Variants in GRIP1 observed in about 807,000 individuals in gnomAD.
GRIP1 encodes the protein glutamate receptor-interacting protein 1.
A neutral mutation model predicts 129.9 loss-of-function variants in GRIP1; 45 were observed. That is an observed-to-expected ratio of 0.35 (90% CI 0.27 to 0.44). The LOEUF is 0.44. Among genes scored for constraint, GRIP1 ranks in the 20% least tolerant of loss-of-function variants. GRIP1 has a pLI of 1.00. For synonymous variants in GRIP1, 530 were observed against 520.8 expected, an observed-to-expected ratio of 1.02 and a Z score of -0.24; for missense variants, 1,196 against 1,396.8, an observed-to-expected ratio of 0.86 and a Z score of 2.29.
chr12:66,538,968 T>C (rs1264951002), intron 4 of GRIP1, 110 bp downstream of exon 4: 3 of 873,076 alleles, frequency 3.4e-6, no homozygotes, highest in South Asian at 2.8e-5. Context: ...AGTATGTATG[T>C]ATAGAAAAAA....
chr12:66,855,609 C>T (rs2039989862), intron 1 of GRIP1, among the ~76,000 whole-genome samples: 1 of 152,002 alleles, frequency 6.6e-6, no homozygotes, highest in Admixed American at 6.6e-5. Context: ...ATAGAGGAAG[C>T]CATTTTTTCC....
chr12:66,945,233 G>C (rs764203103), intron 1 of GRIP1, among the ~76,000 whole-genome samples: 1 of 152,056 alleles, frequency 6.6e-6, no homozygotes, highest in East Asian at 1.9e-4. Context: ...ATTGTGTGTC[G>C]TGGCAGTTTG....
intron 1 of GRIP1, among the ~76,000 whole-genome samples, chr12:66,966,835 T>G (rs1394367820): frequency 6.6e-6 from 1 of 152,146 alleles, no homozygotes; most frequent in African/African-American, 2.4e-5. Context: ...TGGCTGTGAG[T>G]AACTACCATA....
chr12:67,056,805 T>G (rs1267034185), intron 1 of GRIP1, among the ~76,000 whole-genome samples: 1 of 152,030 alleles, frequency 6.6e-6, no homozygotes, highest in Non-Finnish European at 1.5e-5. Context: ...TTTGTTTTGT[T>G]TTGTTTTGTT....
intron 1 of GRIP1, among the ~76,000 whole-genome samples, chr12:66,850,045 T>C (rs2039883511): frequency 6.6e-6 from 1 of 152,166 alleles, no homozygotes; most frequent in African/African-American, 2.4e-5. Context: ...TTTCCATGTT[T>C]GACTTATGGA....
At chr12:66,530,654 T>A (rs920952961) in intron 4 of GRIP1, among the ~76,000 whole-genome samples, 12 of 152,250 alleles carry the variant, frequency 7.9e-5, no homozygotes, top group Middle Eastern at 6.8e-3. Flanking sequence ...TGAAGGTACA[T>A]TTACTAAAAT....
chr12:67,041,145 ATC>A (rs373387278), intron 1 of GRIP1, among the ~76,000 whole-genome samples: 5 of 151,794 alleles, frequency 3.3e-5, no homozygotes, highest in South Asian at 2.1e-4. Context: ...CTTAAAATCA[ATC>A]TCTCTCTTTC....
chr12:66,710,899 T>C (rs1231916110), intron 1 of GRIP1, among the ~76,000 whole-genome samples: 2 of 151,936 alleles, frequency 1.3e-5, no homozygotes, highest in African/African-American at 4.8e-5. Context: ...GGCTTCTGCC[T>C]TTCTGGATCA....
chr12:66,858,638 C>A (rs780852153), intron 1 of GRIP1, among the ~76,000 whole-genome samples: 4 of 151,896 alleles, frequency 2.6e-5, no homozygotes, highest in African/African-American at 9.7e-5. Context: ...TGTGTTGAGA[C>A]AATAATCCAA....
At chr12:66,607,713 C>G (rs1466523155) in intron 1 of GRIP1, among the ~76,000 whole-genome samples, 1 of 152,178 alleles carries the variant, frequency 6.6e-6, no homozygotes, top group Admixed American at 6.5e-5. Flanking sequence ...GTGCTGCCAC[C>G]TCAATTCTCA....
chr12:66,743,541 C>G (rs1342213017), intron 1 of GRIP1, among the ~76,000 whole-genome samples: 2 of 151,932 alleles, frequency 1.3e-5, no homozygotes, highest in Admixed American at 1.3e-4. Flanking sequence ...AGTGATCATA[C>G]TTTCCAAGGG....
intron 1 of GRIP1, among the ~76,000 whole-genome samples, chr12:66,967,065 T>G (rs565091279): frequency 6.6e-6 from 1 of 152,356 alleles, no homozygotes; most frequent in South Asian, 2.1e-4. Context: ...AAAGATATTT[T>G]TGTTGTTTCA....
At chr12:67,040,102 T>C (rs377685830) in intron 1 of GRIP1, among the ~76,000 whole-genome samples, 3 of 152,260 alleles carry the variant, frequency 2.0e-5, no homozygotes, top group African/African-American at 7.2e-5. Context: ...AAACTAGTGT[T>C]TCAGGTAAGA....
At chr12:66,427,457 A>C (rs1281056896) in intron 14 of GRIP1, among the ~76,000 whole-genome samples, 1 of 152,156 alleles carries the variant, frequency 6.6e-6, no homozygotes, top group Non-Finnish European at 1.5e-5. Context: ...AATTCCAGGC[A>C]CCTAGGTAGG....
chr12:66,622,272 T>C (rs1234028219), intron 1 of GRIP1, among the ~76,000 whole-genome samples: 1 of 151,954 alleles, frequency 6.6e-6, no homozygotes, highest in Non-Finnish European at 1.5e-5. Flanking sequence ...ACAAATACAA[T>C]GTGATGGAGG....
At position 66,841,007 on chromosome 12, in the gene GRIP1, T is replaced by C. The variant is rs149130299; in HGVS notation, c.58+228043A>G. Among the ~76,000 whole-genome samples, 991 of 152,356 alleles carry C rather than the reference T, an allele frequency of 6.5e-3. 19 individuals carry two copies. Among genetic ancestry groups the C allele is most frequent in the African/African-American group, 0.023 (950 of 41,586 alleles). On this transcript the variant is annotated intron_variant, in intron 1 of 1. Transcript: ENST00000643019. ...CAGGTAACGAGGAATAATTTTTTAG[T>C]ATAAGGTTATTTCAAATACTAAATG... is the stretch of plus-strand genomic sequence containing the variant.
intron 1 of GRIP1, among the ~76,000 whole-genome samples, chr12:66,701,735 C>T (rs1194365380): frequency 6.6e-6 from 1 of 152,174 alleles, no homozygotes; most frequent in Non-Finnish European, 1.5e-5. Context: ...CTAATCTGAG[C>T]ATTAGACACA....
chr12:66,510,405 G>A (rs1849839251), intron 7 of GRIP1, among the ~76,000 whole-genome samples: 1 of 152,062 alleles, frequency 6.6e-6, no homozygotes, highest in Non-Finnish European at 1.5e-5. Context: ...ATCTAGCCTT[G>A]CAATATAAGT....
Position 66,400,638 on chromosome 12 carries a change from G to A in GRIP1, c.1984+5645C>T, listed in dbSNP as rs1337684774. ...TGGTTTTTTTTAAACACAGATTACAGCCCATGAAGGTAAAGTATTGATTTA... is the reference window on the plus strand; with the variant it reads ...TGGTTTTTTTTAAACACAGATTACAACCCATGAAGGTAAAGTATTGATTTA... On this transcript the variant is annotated intron_variant, in intron 16 of 24. Coordinates refer to ENST00000359742, the MANE Select transcript of GRIP1 (RefSeq NM_001366722.1). Among the ~76,000 whole-genome samples, 2 of 152,080 alleles carry A rather than the reference G, an allele frequency of 1.3e-5. 1 individual carries two copies. The highest frequency in any genetic ancestry group is 4.1e-4 in the South Asian group (2 of 4,832).
Sources: allele counts gnomAD v4.1 joint callset (sites outside exome capture counted in the v4.1 genomes callset), GRCh38; gene constraint gnomAD v4.1.1; transcripts MANE v1.5; gene names NCBI Gene and HGNC (gene_info 2026-07-23, HGNC 2026-07-21).